UBAP2L: variants seen among roughly 807,000 people sequenced by gnomAD.
UBAP2L encodes the protein ubiquitin associated protein 2 like, also known as ubiquitin-associated protein 2-like.
A neutral mutation model predicts 130.6 loss-of-function variants in UBAP2L; 12 were observed. The ratio of observed to expected loss-of-function variants is 0.09; its 90% CI spans 0.06 to 0.15. The LOEUF (loss-of-function observed/expected upper bound fraction) is 0.15. Among genes scored for constraint, UBAP2L ranks in the 10% least tolerant of loss-of-function variants. UBAP2L has a pLI of 1.00. For synonymous variants in UBAP2L, 503 were observed against 524.7 expected (o/e 0.96, Z 0.57); for missense variants, 965 against 1,332.5 (o/e 0.72, Z 4.29).
At chr1:154,225,293 T>C in intron 2 of UBAP2L, 80 bp downstream of exon 2, 1 of 1,478,702 alleles carries the variant, frequency 6.8e-7, no homozygotes, top group South Asian at 1.2e-5. Flanking sequence ...CATCATTCTG[T>C]GCTTTGAACT....
chr1:154,240,935 T>TCCCCCCCCCCC (rs71096517), intron 8 of UBAP2L, among the ~76,000 whole-genome samples: 1 of 80,736 alleles, frequency 1.2e-5, no homozygotes, highest in Non-Finnish European at 2.6e-5. Context: ...TGTCTGTCTG[T>TCCCCCCCCCCC]CCCCCCCCCC....
chr1:154,264,330 G>T (rs369338362), intron 24 of UBAP2L, among the ~76,000 whole-genome samples: 1 of 152,130 alleles, frequency 6.6e-6, no homozygotes, highest in East Asian at 1.9e-4. Context: ...ATGTGTCTCT[G>T]CCCTGCTGCC....
At chr1:154,235,315 A>T in intron 6 of UBAP2L, 24 bp downstream of exon 6, 1 of 738,614 alleles carries the variant, frequency 1.4e-6, no homozygotes, top group Non-Finnish European at 2.5e-6. Context: ...TGGGGGATGG[A>T]TATTGGGGGC....
chr1:154,269,248 C>CT lies in UBAP2L; in HGVS notation c.3168+297dup, dbSNP rs756905176. ...ATCAGACCTGGGTCACACCTTCCCT[C>CT]TTTCCTCTCCCAGCCTTCCCTCTTC... On this transcript the variant is annotated intron_variant, in intron 26 of 26. Transcript: ENST00000428931. 1,420 of 1,121,338 alleles carry CT rather than the reference C, an allele frequency of 1.3e-3. 3 individuals carry two copies. The highest frequency in any genetic ancestry group is 2.3e-3 in the Admixed American group (112 of 47,984). The allele number at this position is 1,121,338 out of a possible 1,614,324, so 69.5% of individuals were successfully genotyped here.
rs1352836553 is a variant in UBAP2L, at chr1:154,253,897, C to A, written c.1665-3C>A. 6.2e-7 allele frequency: 1 copy of A among 1,613,618 alleles called. No individual in the cohort carries two copies. Among genetic ancestry groups the A allele is most frequent in the Non-Finnish European group, 8.5e-7 (1 of 1,179,944 alleles). ...CTGAGATTTTTCTCTTCGTTACTCA[C>A]AGTGAATCATCCTCTACAATTTCAT... On this transcript the variant is annotated splice_polypyrimidine_tract_variant and splice_region_variant and intron_variant, in intron 14 of 26. Transcript: ENST00000428931.
chr1:154,263,406 C>T, intron 24 of UBAP2L: 1 of 1,266,790 alleles, frequency 7.9e-7, no homozygotes, highest in Non-Finnish European at 9.9e-7. Context: ...CATCAATGCA[C>T]ACACCTGCTG....
chr1:154,229,065 G>T (rs779959687), intron 4 of UBAP2L, among the ~76,000 whole-genome samples: 7 of 151,940 alleles, frequency 4.6e-5, no homozygotes, highest in Non-Finnish European at 1.5e-5. Flanking sequence ...TATTGCTGTT[G>T]AACAAAGTCA....
intron 15 of UBAP2L, 147 bp from the exon 16 acceptor site, chr1:154,254,689 C>T (rs1679024850): frequency 1.1e-6 from 1 of 881,608 alleles, no homozygotes; most frequent in Non-Finnish European, 1.7e-6. Context: ...GGATAGTCTA[C>T]ATTGTATTAA....
At chr1:154,246,165 CAGT>C in intron 10 of UBAP2L, 36 bp from the exon 11 acceptor site, 1 of 489,610 alleles carries the variant, frequency 2.0e-6, no homozygotes, top group South Asian at 7.2e-5. Flanking sequence ...TTAGCGTGTT[CAGT>C]CATTCTTCAT....
intron 16 of UBAP2L, 30 bp downstream of exon 16, chr1:154,254,920 A>G (rs377428910): frequency 6.3e-7 from 1 of 1,583,780 alleles, no homozygotes; most frequent in Non-Finnish European, 8.5e-7. Flanking sequence ...TTCCCCTCCT[A>G]AGTTTCTGGT....
chr1:154,261,585 T>A lies in UBAP2L; in HGVS notation c.2797-7T>A. The A allele has an allele frequency of 1.2e-6, 2 of 1,614,118 alleles. No individual in the cohort carries two copies. The highest frequency in any genetic ancestry group is 1.7e-6 in the Non-Finnish European group (2 of 1,180,018). ...GTCACTGCAAATCTGGCCTTTTTGC[T>A]CTTTAGGTGGCTCCTACCTCTTCCA... On this transcript the variant is annotated splice_polypyrimidine_tract_variant and splice_region_variant and intron_variant, in intron 23 of 26. Coordinates refer to ENST00000428931, the MANE Select transcript of UBAP2L (RefSeq NM_014847.4).
At chr1:154,241,659 AC>A in intron 9 of UBAP2L, 94 bp downstream of exon 9, 1 of 1,563,266 alleles carries the variant, frequency 6.4e-7, no homozygotes, top group East Asian at 2.3e-5. Context: ...CTCAAAATTC[AC>A]CCTTAAGATT....
intron 4 of UBAP2L, 32 bp downstream of exon 4, chr1:154,228,757 G>A: frequency 6.6e-7 from 1 of 1,522,776 alleles, no homozygotes; most frequent in Non-Finnish European, 9.0e-7. Context: ...CTAGGACATG[G>A]GTCCTCAATT....
intron 25 of UBAP2L, among the ~76,000 whole-genome samples, chr1:154,267,469 A>G (rs975040517): frequency 6.0e-5 from 9 of 149,504 alleles, no homozygotes; most frequent in Admixed American, 3.3e-4. Flanking sequence ...CTATTTTTGT[A>G]AGGAATATTG....
intron 11 of UBAP2L, among the ~76,000 whole-genome samples, chr1:154,248,507 AATTGT>A (rs1676369801): frequency 2.6e-5 from 4 of 152,248 alleles, no homozygotes; most frequent in Admixed American, 2.6e-4. Flanking sequence ...CATTTATGTT[AATTGT>A]ATTGGTTGAT....
intron 15 of UBAP2L, 103 bp from the exon 16 acceptor site, chr1:154,254,733 C>G (rs1179800605): frequency 8.0e-7 from 1 of 1,248,942 alleles, no homozygotes; most frequent in Non-Finnish European, 1.1e-6. Context: ...CAGAGTTTCT[C>G]CTAAAGATTT....
chr1:154,223,641 G>A (rs1667050348), intron 1 of UBAP2L, among the ~76,000 whole-genome samples: 1 of 151,974 alleles, frequency 6.6e-6, no homozygotes, highest in African/African-American at 2.4e-5. Context: ...GCCAATATGT[G>A]TAGGGGGAAG....
intron 4 of UBAP2L, among the ~76,000 whole-genome samples, chr1:154,231,049 G>A (rs562522749): frequency 3.4e-4 from 51 of 152,194 alleles, no homozygotes; most frequent in Non-Finnish European, 6.2e-4. Context: ...AGCATAAAAT[G>A]ACCCACTAAC....
At chr1:154,257,714 T>G in intron 20 of UBAP2L, 1 of 408,254 alleles carries the variant, frequency 2.4e-6, no homozygotes, top group Non-Finnish European at 4.4e-6. Flanking sequence ...AAATGAGGGA[T>G]TGCCACATGT....
Sources: gnomAD v4.1 joint callset for allele counts (sites outside exome capture counted in the v4.1 genomes callset) on GRCh38, gnomAD v4.1.1 for gene constraint, MANE v1.5 for transcripts, NCBI Gene and HGNC (gene_info 2026-07-23, HGNC 2026-07-21) for gene names.